Variants in FHIT observed in about 807,000 individuals in gnomAD.
The protein encoded by FHIT is fragile histidine triad diadenosine triphosphatase.
Under a neutral mutation model 17.9 loss-of-function variants are expected in FHIT, and 19 were observed. The ratio of observed to expected loss-of-function variants is 1.06; its 90% CI spans 0.74 to 1.56. The LOEUF is 1.56. FHIT is among the 40% of genes most tolerant of loss of function. FHIT has a pLI of 0.00. For missense variants in FHIT, 248 were observed against 189.2 expected (o/e 1.31, Z -1.82); for synonymous variants, 81 against 69.7 (o/e 1.16, Z -0.81).
At chr3:60,442,449 A>G (rs527802492) in intron 5 of FHIT, among the ~76,000 whole-genome samples, 9 of 152,100 alleles carry the variant, frequency 5.9e-5, no homozygotes, top group Non-Finnish European at 1.3e-4. Flanking sequence ...TAATTTTTGT[A>G]TAAGGTGTAA....
At chr3:60,778,574 G>C (rs1235161973) in intron 4 of FHIT, among the ~76,000 whole-genome samples, 2 of 152,128 alleles carry the variant, frequency 1.3e-5, no homozygotes, top group Non-Finnish European at 2.9e-5. Context: ...AACTTATTTT[G>C]AACTATTTAC....
chr3:60,821,069 A>G (rs6793486), intron 4 of FHIT, among the ~76,000 whole-genome samples: 127,772 of 151,544 alleles, frequency 0.84, 54,840 homozygotes, highest in East Asian at 0.94. Context: ...TCCACCTCCC[A>G]GGTTCAAGTG....
At chr3:60,520,316 C>A (rs1281114984) in intron 5 of FHIT, among the ~76,000 whole-genome samples, 3 of 151,794 alleles carry the variant, frequency 2.0e-5, no homozygotes, top group African/African-American at 7.2e-5. Flanking sequence ...AGAAGTGGAC[C>A]CACACATTTC....
At chr3:60,496,321 C>T (rs540982876) in intron 5 of FHIT, among the ~76,000 whole-genome samples, 1 of 152,024 alleles carries the variant, frequency 6.6e-6, no homozygotes, top group African/African-American at 2.4e-5. Flanking sequence ...AAAACAATGA[C>T]CCAATGGAAA....
chr3:61,160,942 A>G (rs530531459), intron 2 of FHIT, among the ~76,000 whole-genome samples: 1 of 152,308 alleles, frequency 6.6e-6, no homozygotes, highest in African/African-American at 2.4e-5. Context: ...TCTTTTGTTC[A>G]GCTCAGATTA....
intron 8 of FHIT, among the ~76,000 whole-genome samples, chr3:59,910,477 C>T (rs6446089): frequency 1.3e-5 from 2 of 152,068 alleles, no homozygotes; most frequent in East Asian, 3.9e-4. Flanking sequence ...CATTTCCCCC[C>T]CTTCTCTTTG....
At chr3:61,063,809 G>GA (rs1315244915) in intron 2 of FHIT, among the ~76,000 whole-genome samples, 2 of 151,688 alleles carry the variant, frequency 1.3e-5, no homozygotes, top group African/African-American at 4.8e-5. Context: ...TTTAACAGAA[G>GA]AAAAAAAATC....
rs1023642512 is a variant in FHIT, at chr3:60,544,146, T to C, written c.-17-7167A>G. On this transcript the variant is annotated intron_variant, in intron 4 of 9. Transcript: ENST00000492590. ...ATTTTCCTACTTTCATGTTTCTTTG[T>C]CATACTGCATTGGTCAGCTATGTGG... 7.9e-5 allele frequency among the ~76,000 whole-genome samples: 12 copies of C among 151,908 alleles called. 1 individual carries two copies. The highest frequency in any genetic ancestry group is 2.9e-4 in the African/African-American group (12 of 41,420).
At chr3:60,061,263 G>T (rs1702282809) in intron 5 of FHIT, among the ~76,000 whole-genome samples, 1 of 152,250 alleles carries the variant, frequency 6.6e-6, no homozygotes, top group Non-Finnish European at 1.5e-5. Context: ...AAAAATCACA[G>T]TGAGACTCTG....
chr3:60,390,670 G>A (rs1701193930), intron 5 of FHIT, among the ~76,000 whole-genome samples: 2 of 151,794 alleles, frequency 1.3e-5, no homozygotes, highest in African/African-American at 4.8e-5. Context: ...ATCCTGACCT[G>A]GCGCACGCCT....
chr3:60,306,457 C>T (rs1708679914), intron 5 of FHIT, among the ~76,000 whole-genome samples: 2 of 152,110 alleles, frequency 1.3e-5, no homozygotes, highest in African/African-American at 4.8e-5. Context: ...CAGTCTGTAG[C>T]CTTTCCATGA....
At chr3:60,229,543 C>G (rs1002954646) in intron 5 of FHIT, among the ~76,000 whole-genome samples, 13 of 152,018 alleles carry the variant, frequency 8.6e-5, no homozygotes, top group Middle Eastern at 3.2e-3. Flanking sequence ...CAGGTGTACA[C>G]AGTAAAAGTA....
intron 5 of FHIT, among the ~76,000 whole-genome samples, chr3:60,476,786 T>C (rs1300364705): frequency 1.3e-5 from 2 of 151,996 alleles, no homozygotes; most frequent in African/African-American, 4.8e-5. Flanking sequence ...ACTCAGCTTC[T>C]GGCCTTGTCG....
intron 3 of FHIT, among the ~76,000 whole-genome samples, chr3:60,882,489 T>C (rs1183542043): frequency 5.3e-5 from 8 of 152,134 alleles, no homozygotes; most frequent in Admixed American, 4.6e-4. Context: ...GCAAGTTGAA[T>C]CCAGCATCAC....
chr3:60,202,227 T>C (rs935755023), intron 5 of FHIT, among the ~76,000 whole-genome samples: 7 of 152,172 alleles, frequency 4.6e-5, no homozygotes, highest in Admixed American at 2.0e-4. Flanking sequence ...CTGGACCACA[T>C]TTACTTACAA....
chr3:60,335,674 A>G (rs1710200974), intron 5 of FHIT, among the ~76,000 whole-genome samples: 1 of 152,204 alleles, frequency 6.6e-6, no homozygotes, highest in South Asian at 2.1e-4. Context: ...GCACACACAC[A>G]CACAAAAAAG....
intron 5 of FHIT, among the ~76,000 whole-genome samples, chr3:60,033,883 T>C (rs1044108207): frequency 6.6e-6 from 1 of 152,236 alleles, no homozygotes; most frequent in South Asian, 2.1e-4. Flanking sequence ...TTATCATTTA[T>C]GTTCTCAAAA....
chr3:59,940,908 C>A (rs1178335356), intron 7 of FHIT, among the ~76,000 whole-genome samples: 1 of 152,098 alleles, frequency 6.6e-6, no homozygotes, highest in Non-Finnish European at 1.5e-5. Flanking sequence ...GAGGACTTCC[C>A]CAATTTCTAT....
intron 3 of FHIT, among the ~76,000 whole-genome samples, chr3:60,976,334 T>G (rs1175564950): frequency 3.3e-5 from 5 of 152,004 alleles, no homozygotes; most frequent in Non-Finnish European, 7.4e-5. Flanking sequence ...CTTGCACTCC[T>G]GACCTCAGGT....
Sources: gnomAD v4.1 joint callset for allele counts (sites outside exome capture counted in the v4.1 genomes callset) on GRCh38, gnomAD v4.1.1 for gene constraint, MANE v1.5 for transcripts, NCBI Gene and HGNC (gene_info 2026-07-23, HGNC 2026-07-21) for gene names.